The following RAB11FIP4 variants were observed in gnomAD, a reference collection of about 807,000 sequenced individuals.
RAB11FIP4 encodes RAB11 family interacting protein 4.
In RAB11FIP4, 23 loss-of-function variants were observed where a neutral mutation model predicts 74.3. That is an observed-to-expected ratio of 0.31 (90% confidence interval 0.22 to 0.44). RAB11FIP4 has a LOEUF of 0.44. Ranked by LOEUF, RAB11FIP4 falls within the 20% of genes least tolerant of loss-of-function variation. The probability of loss-of-function intolerance (pLI) is 1.00; values close to 1 mark genes in which losing one functional copy is unlikely to be tolerated. For missense variants in RAB11FIP4, 630 were observed against 863.9 expected, an observed-to-expected ratio of 0.73 and a Z score of 3.39; for synonymous variants, 360 against 359.9, an observed-to-expected ratio of 1.00 and a Z score of 0.00.
At chr17:31,494,729 G>A (rs752412783) in intron 3 of RAB11FIP4, among the ~76,000 whole-genome samples, 53 of 151,954 alleles carry the variant, frequency 3.5e-4, no homozygotes, top group African/African-American at 4.1e-4. Flanking sequence ...CTCCCACCGC[G>A]GCCCCCCAAA....
chr17:31,494,926 A>G (rs1047482653), intron 3 of RAB11FIP4, among the ~76,000 whole-genome samples: 1 of 152,228 alleles, frequency 6.6e-6, no homozygotes, highest in Non-Finnish European at 1.5e-5. Context: ...TCAGTGAGGG[A>G]GACTGTACCT....
At chr17:31,395,726 AGT>A (rs1168354198) in intron 1 of RAB11FIP4, among the ~76,000 whole-genome samples, 2 of 152,232 alleles carry the variant, frequency 1.3e-5, no homozygotes, top group African/African-American at 4.8e-5. Flanking sequence ...GACTAAATGC[AGT>A]GTGGTGTCCT....
intron 3 of RAB11FIP4, among the ~76,000 whole-genome samples, chr17:31,517,206 T>TGGGGGGGGGGGGGGGGGGGGGGGGGGGGG (rs199757879): frequency 4.9e-5 from 1 of 20,250 alleles, no homozygotes; most frequent in Non-Finnish European, 1.2e-4. Flanking sequence ...GGGGGGGCGG[T>TGGGGGGGGGGGGGGGGGGGGGGGGGGGGG]GGGGGGGGCG....
At chr17:31,488,433 G>A in intron 3 of RAB11FIP4, 2 of 789,914 alleles carry the variant, frequency 2.5e-6, no homozygotes, top group Non-Finnish European at 1.6e-6. Flanking sequence ...CCGCTGCCAG[G>A]TGCGCGGGTG....
At position 31,525,160 on chromosome 17, in the gene RAB11FIP4, C is replaced by T. The variant is rs1165262771; in HGVS notation, c.1204C>T (p.Arg402Trp). 7.1e-6 allele frequency: 11 copies of T among 1,548,746 alleles called. No individual in the cohort carries two copies. Among genetic ancestry groups the T allele is most frequent in the East Asian group, 2.4e-5 (1 of 40,854 alleles). ...TAEQALEEEARRHREAYGKLE... is the reference protein window; with the variant it reads ...TAEQALEEEAWRHREAYGKLE... ...CGAGCAGGCTCTGGAGGAGGAGGCG[C>T]GGCGCCACCGCGAGGCCTACGGCAA... The change falls in exon 10 of 15, where the codon CGG becomes TGG. Residue 402 changes from arginine to tryptophan, a missense_variant. Transcript: ENST00000621161.
intron 3 of RAB11FIP4, among the ~76,000 whole-genome samples, chr17:31,510,482 T>C (rs2072432009): frequency 6.6e-6 from 1 of 152,254 alleles, no homozygotes; most frequent in Non-Finnish European, 1.5e-5. Flanking sequence ...CCCACAGAGC[T>C]GTTCTTTGGC....
intron 2 of RAB11FIP4, 37 bp downstream of exon 2, chr17:31,431,937 C>T (rs377718488): frequency 2.9e-5 from 42 of 1,464,006 alleles, no homozygotes; most frequent in East Asian, 2.1e-4. Flanking sequence ...AGGCGCTCTC[C>T]GGTCCTGCCC....
chr17:31,522,877 C>T (rs111654613), intron 7 of RAB11FIP4: 5,843 of 178,108 alleles, frequency 0.033, 99 homozygotes, highest in Middle Eastern at 0.055. Context: ...CAGCAAGGGC[C>T]CAGGAGCTAG....
At chr17:31,394,303 T>C (rs1271442984) in intron 1 of RAB11FIP4, among the ~76,000 whole-genome samples, 1 of 152,234 alleles carries the variant, frequency 6.6e-6, no homozygotes, top group East Asian at 1.9e-4. Context: ...TACTGTTTTG[T>C]AACCTGATTT....
chr17:31,463,694 G>A (rs1041226050), intron 3 of RAB11FIP4, among the ~76,000 whole-genome samples: 1 of 150,866 alleles, frequency 6.6e-6, no homozygotes, highest in Non-Finnish European at 1.5e-5. Context: ...TAGTAGAGAC[G>A]GGGTTTCACC....
intron 1 of RAB11FIP4, among the ~76,000 whole-genome samples, chr17:31,400,228 T>G (rs2070972001): frequency 6.6e-6 from 1 of 152,186 alleles, no homozygotes; most frequent in African/African-American, 2.4e-5. Flanking sequence ...AAAGAAACAT[T>G]AGTGCCGAAA....
At chr17:31,472,810 A>T (rs1441879013) in intron 3 of RAB11FIP4, among the ~76,000 whole-genome samples, 1 of 151,538 alleles carries the variant, frequency 6.6e-6, no homozygotes, top group Non-Finnish European at 1.5e-5. Context: ...AGGAGGGTGG[A>T]TCTCTTGAGG....
At chr17:31,431,757 T>C in intron 1 of RAB11FIP4, 56 bp from the exon 2 acceptor site, 1 of 644,980 alleles carries the variant, frequency 1.6e-6, no homozygotes, top group Non-Finnish European at 2.7e-6. Flanking sequence ...CCCAGCTCCC[T>C]GAGTCTTCGG....
chr17:31,528,799 G>A, intron 13 of RAB11FIP4, 21 bp downstream of exon 13: 19 of 1,595,008 alleles, frequency 1.2e-5, no homozygotes, highest in Non-Finnish European at 1.6e-5. Context: ...CAGTCTCTGT[G>A]TCCAGTGGGG....
chr17:31,469,436 A>G (rs2071717134), intron 3 of RAB11FIP4, among the ~76,000 whole-genome samples: 1 of 152,108 alleles, frequency 6.6e-6, no homozygotes. Flanking sequence ...CCTGTGCAAC[A>G]TAATGAGATC....
intron 1 of RAB11FIP4, among the ~76,000 whole-genome samples, chr17:31,392,970 G>A (rs1195679538): frequency 2.0e-5 from 3 of 152,228 alleles, no homozygotes; most frequent in Admixed American, 2.0e-4. Context: ...GGCACTGGCT[G>A]GCATTGTGTT....
At chr17:31,485,281 AG>A (rs2071890338) in intron 3 of RAB11FIP4, among the ~76,000 whole-genome samples, 1 of 152,208 alleles carries the variant, frequency 6.6e-6, no homozygotes, top group Admixed American at 6.5e-5. Flanking sequence ...TTTAAGGACA[AG>A]TACCTGCAGA....
intron 4 of RAB11FIP4, among the ~76,000 whole-genome samples, chr17:31,519,170 A>ATAGT: frequency 6.6e-6 from 1 of 151,920 alleles, no homozygotes; most frequent in Non-Finnish European, 1.5e-5. Context: ...GCCCACCACC[A>ATAGT]CGCCTGGCTA....
chr17:31,393,100 G>A (rs1167597795), intron 1 of RAB11FIP4, among the ~76,000 whole-genome samples: 2 of 152,240 alleles, frequency 1.3e-5, no homozygotes, highest in East Asian at 3.8e-4. Flanking sequence ...CTCTCCACCC[G>A]CACCTGGGCA....
Sources: allele counts gnomAD v4.1 joint callset (sites outside exome capture counted in the v4.1 genomes callset), GRCh38; gene constraint gnomAD v4.1.1; transcripts MANE v1.5; gene names NCBI Gene and HGNC (gene_info 2026-07-23, HGNC 2026-07-21).